The following CCDC93 variants were observed in gnomAD, a reference collection of about 807,000 sequenced individuals.
The protein encoded by CCDC93 is coiled-coil domain-containing protein 93.
Under a neutral mutation model 108.2 loss-of-function variants are expected in CCDC93, and 61 were observed. The ratio of observed to expected loss-of-function variants is 0.56; its 90% confidence interval spans 0.46 to 0.70. The LOEUF (loss-of-function observed/expected upper bound fraction) is 0.70, where lower values mean the gene tolerates loss of function less well. Ranked by LOEUF, CCDC93 falls within the 30% of genes least tolerant of loss-of-function variation. The pLI is 0.00. For missense variants in CCDC93, 685 were observed against 764.2 expected, an observed-to-expected ratio of 0.90 and a Z score of 1.22; for synonymous variants, 276 against 260.4, an observed-to-expected ratio of 1.06 and a Z score of -0.58.
At chr2:117,993,239 AC>A (rs1680535789) in intron 6 of CCDC93, among the ~76,000 whole-genome samples, 1 of 152,060 alleles carries the variant, frequency 6.6e-6, no homozygotes, top group Non-Finnish European at 1.5e-5. Context: ...TACTAAAAAA[AC>A]AAAAAGTGAG....
At chr2:117,968,853 G>A (rs1426061766) in intron 11 of CCDC93, among the ~76,000 whole-genome samples, 1 of 152,060 alleles carries the variant, frequency 6.6e-6, no homozygotes, top group African/African-American at 2.4e-5. Flanking sequence ...ACTACCAACA[G>A]CTTCCCTCCT....
chr2:117,925,344 AAGACCCATCAGTGTGCTGTATTTAGG>A (rs1320354107), intron 23 of CCDC93, among the ~76,000 whole-genome samples: 2 of 152,232 alleles, frequency 1.3e-5, no homozygotes, highest in Non-Finnish European at 2.9e-5. Context: ...ATAAAGAGTC[AAGACCCATCAGTGTGCTGTATTTAGG>A]AAACCCATCT....
rs759309051 is a variant in CCDC93, at chr2:117,945,562, C to A, written c.1317G>T (p.Pro439=). ...GDEKTLSSGE[P]PGTLTSAMTH... ...TCATTGCAGAGGTCAAGGTACCAGG[C>A]GGCTCTCCACTGGAGAGGGTCTGAA... Residue 439 remains proline (P), a synonymous_variant, in exon 17 of 24, where the codon CCG becomes CCT. Coordinates refer to ENST00000376300, the MANE Select transcript of CCDC93 (RefSeq NM_019044.5). 1 of 1,613,838 alleles carries A rather than the reference C, an allele frequency of 6.2e-7. No homozygotes were observed. The highest frequency in any genetic ancestry group is 8.5e-7 in the Non-Finnish European group (1 of 1,179,808).
intron 21 of CCDC93, chr2:117,935,811 G>C (rs1296715739): frequency 2.6e-6 from 1 of 378,966 alleles, no homozygotes; most frequent in African/African-American, 2.1e-5. Flanking sequence ...AATCTTTTTT[G>C]TCATACTTTC....
At chr2:117,988,791 T>C (rs1486914598) in intron 6 of CCDC93, among the ~76,000 whole-genome samples, 1 of 152,238 alleles carries the variant, frequency 6.6e-6, no homozygotes, top group Non-Finnish European at 1.5e-5. Flanking sequence ...GAAAGATGGA[T>C]GGATGGCAAT....
At chr2:117,925,436 G>A (rs962940756) in intron 23 of CCDC93, among the ~76,000 whole-genome samples, 1 of 152,022 alleles carries the variant, frequency 6.6e-6, no homozygotes, top group Non-Finnish European at 1.5e-5. Flanking sequence ...GATCTACCAA[G>A]CAAATGGAAA....
In CCDC93 at chr2:118,000,878, C is replaced by T. The variant is rs767103390; in HGVS notation, c.306G>A (p.Gln102=). 3 of 1,613,842 alleles carry T rather than the reference C, an allele frequency of 1.9e-6. No individual in the cohort carries two copies. In the South Asian group the frequency reaches 3.3e-5, roughly 18 times the overall value. ...SVLPRMKCPH[Q]LEPHQIQGMD... Reference sequence around the variant, plus strand: ...TCCCCTGGATCTGGTGGGGCTCCAGCTGGTGTGGGCATTTCATCCTTGGCA... The same window carrying T: ...TCCCCTGGATCTGGTGGGGCTCCAGTTGGTGTGGGCATTTCATCCTTGGCA... The change falls in exon 4 of 24, where the codon CAG becomes CAA. Residue 102 remains glutamine, a synonymous_variant. Transcript: ENST00000376300.
Position 117,995,511 on chromosome 2 carries a change from C to CA in CCDC93, c.463-10dup, listed in dbSNP as rs1680617218. ...TTTATGAAGTCATCATCCTACAAGA[C>CA]AAAACAGAGCGATTAAACAAATCCC... is the stretch of plus-strand genomic sequence containing the variant. On this transcript the variant is annotated splice_polypyrimidine_tract_variant and intron_variant, in intron 5 of 23. Coordinates refer to ENST00000376300, the MANE Select transcript of CCDC93 (RefSeq NM_019044.5). 3 of 1,610,074 alleles carry CA rather than the reference C, an allele frequency of 1.9e-6. No homozygotes were observed. The highest frequency in any genetic ancestry group is 1.7e-6 in the Non-Finnish European group (2 of 1,176,352).
chr2:118,010,406 T>TA (rs1676992924), intron 1 of CCDC93, among the ~76,000 whole-genome samples: 1 of 152,160 alleles, frequency 6.6e-6, no homozygotes, highest in Non-Finnish European at 1.5e-5. Context: ...CTACCAAAAA[T>TA]AAAAAACCAT....
At chr2:118,003,233 G>T (rs1344631728) in intron 3 of CCDC93, among the ~76,000 whole-genome samples, 1 of 152,200 alleles carries the variant, frequency 6.6e-6, no homozygotes, top group Non-Finnish European at 1.5e-5. Flanking sequence ...GGGATAGCTT[G>T]GTAGTGAAGC....
chr2:117,925,300 T>TCC (rs1317919914), intron 23 of CCDC93, among the ~76,000 whole-genome samples: 64 of 152,270 alleles, frequency 4.2e-4, no homozygotes, highest in Admixed American at 9.2e-4. Flanking sequence ...ATGGGCTAAA[T>TCC]GCTTCAATTA....
At chr2:118,000,473 T>C (rs1438653138) in intron 4 of CCDC93, among the ~76,000 whole-genome samples, 1 of 151,958 alleles carries the variant, frequency 6.6e-6, no homozygotes, top group Non-Finnish European at 1.5e-5. Context: ...CAGAGAGTGC[T>C]AGAACAAAAA....
At chr2:117,958,642 T>A (rs1388107444) in intron 11 of CCDC93, among the ~76,000 whole-genome samples, 161 bp from the exon 12 acceptor site, 1 of 152,136 alleles carries the variant, frequency 6.6e-6, no homozygotes, top group Non-Finnish European at 1.5e-5. Flanking sequence ...ACAGAAGAGA[T>A]TCTGACACAA....
chr2:117,999,483 A>AAT (rs2104820274), intron 4 of CCDC93: 1 of 152,306 alleles, frequency 6.6e-6, no homozygotes, highest in African/African-American at 2.4e-5. Context: ...AAAGAACTCT[A>AAT]ATAGAGTCAG....
At chr2:117,929,728 C>G (rs776446058) in intron 23 of CCDC93, among the ~76,000 whole-genome samples, 1 of 152,202 alleles carries the variant, frequency 6.6e-6, no homozygotes, top group Non-Finnish European at 1.5e-5. Flanking sequence ...ACTGGCCCTT[C>G]TGGGACCTCA....
At chr2:117,939,735 T>C (rs1213824653) in intron 19 of CCDC93, among the ~76,000 whole-genome samples, 1 of 152,130 alleles carries the variant, frequency 6.6e-6, no homozygotes, top group Non-Finnish European at 1.5e-5. Context: ...GGAAGTGTGA[T>C]CTGATCTCCT....
intron 19 of CCDC93, among the ~76,000 whole-genome samples, chr2:117,940,950 G>C (rs923408463): frequency 6.6e-6 from 1 of 152,194 alleles, no homozygotes; most frequent in Non-Finnish European, 1.5e-5. Context: ...GATGAGGGCT[G>C]CTTTGAAGCT....
rs763700662 is a variant in CCDC93 at position 117,946,905 on chromosome 2, T to G, written c.1225-23A>C. ...CTCCTTTAAAAGTGACATGAACTTT[T>G]ACAAAATTCAGACAAGGAGTAATTA... On this transcript the variant is annotated intron_variant, in intron 15 of 23. Coordinates refer to ENST00000376300, the MANE Select transcript of CCDC93 (RefSeq NM_019044.5). 114 of 1,560,576 alleles carry G rather than the reference T, an allele frequency of 7.3e-5. 3 individuals are homozygous for G. Among genetic ancestry groups the G allele is most frequent in the South Asian group, 6.8e-4 (61 of 89,724 alleles).
intron 4 of CCDC93, chr2:117,999,483 AATAG>A (rs1680765881): frequency 1.3e-5 from 2 of 152,188 alleles, no homozygotes; most frequent in Admixed American, 6.5e-5. Flanking sequence ...AAAGAACTCT[AATAG>A]AGTCAGATGG....
Sources: gnomAD v4.1 joint callset for allele counts (sites outside exome capture counted in the v4.1 genomes callset) on GRCh38, gnomAD v4.1.1 for gene constraint, MANE v1.5 for transcripts, NCBI Gene and HGNC (gene_info 2026-07-23, HGNC 2026-07-21) for gene names.